The following PLCE1 variants were observed in gnomAD, a reference collection of about 807,000 sequenced individuals.
The protein encoded by PLCE1 is phospholipase C epsilon 1, also known as 1-phosphatidylinositol 4,5-bisphosphate phosphodiesterase epsilon-1.
PLCE1 carries 119 observed loss-of-function variants against 242.8 expected under a neutral mutation model. That is an observed-to-expected ratio of 0.49 (90% CI 0.42 to 0.57). PLCE1 has a LOEUF of 0.57. Ranked by LOEUF, PLCE1 falls within the 20% of genes least tolerant of loss-of-function variation. The probability of loss-of-function intolerance (pLI) is 0.00; values close to 1 mark genes in which losing one functional copy is unlikely to be tolerated. For synonymous variants in PLCE1, 945 were observed against 1,017.4 expected, an observed-to-expected ratio of 0.93 and a Z score of 1.35; for missense variants, 2,441 against 2,788.8, an observed-to-expected ratio of 0.88 and a Z score of 2.81.
chr10:94,305,694 A>C (rs2053177612), intron 25 of PLCE1, among the ~76,000 whole-genome samples: 1 of 152,250 alleles, frequency 6.6e-6, no homozygotes, highest in African/African-American at 2.4e-5. Context: ...AAAGCTGTGA[A>C]TTAGTTCCTA....
At chr10:94,110,053 T>TTTTTC (rs1554856337) in intron 2 of PLCE1, among the ~76,000 whole-genome samples, 4 of 90,050 alleles carry the variant, frequency 4.4e-5, no homozygotes, top group Non-Finnish European at 9.2e-5. Context: ...CTTTTTTTCT[T>TTTTTC]TTTTCTTTTT....
At chr10:94,268,509 G>A (rs956017430) in intron 16 of PLCE1, among the ~76,000 whole-genome samples, 6 of 152,160 alleles carry the variant, frequency 3.9e-5, no homozygotes, top group Admixed American at 3.9e-4. Flanking sequence ...TAAATGTTTA[G>A]CCAGTTCATT....
intron 29 of PLCE1, among the ~76,000 whole-genome samples, chr10:94,320,124 C>G (rs112102320): frequency 3.3e-5 from 5 of 152,038 alleles, no homozygotes; most frequent in African/African-American, 4.8e-5. Context: ...TGTGAATTAC[C>G]TCTCAATCTT....
intron 2 of PLCE1, among the ~76,000 whole-genome samples, chr10:94,103,430 T>G (rs936441817): frequency 1.3e-5 from 2 of 152,136 alleles, no homozygotes; most frequent in Non-Finnish European, 2.9e-5. Flanking sequence ...AAAAACAGAT[T>G]ATCCCAGCCA....
chr10:94,220,164 G>A (rs2049674152), intron 4 of PLCE1, among the ~76,000 whole-genome samples: 1 of 150,062 alleles, frequency 6.7e-6, no homozygotes, highest in Non-Finnish European at 1.5e-5. Flanking sequence ...ACTTGGTCTA[G>A]GACAACATTT....
At chr10:94,308,354 G>T (rs1328662446) in intron 26 of PLCE1, among the ~76,000 whole-genome samples, 1 of 152,174 alleles carries the variant, frequency 6.6e-6, no homozygotes, top group East Asian at 1.9e-4. Context: ...CTGAGTTTAA[G>T]GTTTTCTGTT....
At position 94,316,618 on chromosome 10, in the gene PLCE1, A is replaced by G; in HGVS notation, c.6204A>G (p.Ile2068Met). 6.2e-7 allele frequency: 1 copy of G among 1,608,224 alleles called. No homozygotes were observed. The highest frequency in any genetic ancestry group is 8.5e-7 in the Non-Finnish European group (1 of 1,174,770). The change falls in exon 29 of 33, where the codon ATA becomes ATG. Residue 2068 changes from isoleucine to methionine, a missense_variant. Coordinates refer to ENST00000371380, the MANE Select transcript of PLCE1 (RefSeq NM_016341.4). ...DYFLMEEKYFISKEKNECRKQ... is the reference protein window; with the variant it reads ...DYFLMEEKYFMSKEKNECRKQ... ...TTTTGATGGAAGAAAAATATTTTAT[A>G]TCTAAAGAAAAGAATGAATGTAGGA...
At chr10:94,003,186 G>T (rs2060964568) in intron 1 of PLCE1, among the ~76,000 whole-genome samples, 1 of 152,176 alleles carries the variant, frequency 6.6e-6, no homozygotes, top group African/African-American at 2.4e-5. Context: ...ACTGAGTGAA[G>T]ATAATAGACT....
intron 2 of PLCE1, among the ~76,000 whole-genome samples, chr10:94,107,316 G>A (rs1026380691): frequency 2.6e-5 from 4 of 152,086 alleles, no homozygotes; most frequent in African/African-American, 9.7e-5. Flanking sequence ...GCAAGACGTT[G>A]CTGAACTCCT....
At position 94,246,376 on chromosome 10, in the gene PLCE1, A is replaced by G. The variant is rs1355716225; in HGVS notation, c.2851A>G (p.Ile951Val). The G allele has an allele frequency of 1.2e-6, 2 of 1,614,066 alleles. No homozygotes were observed. The highest frequency in any genetic ancestry group is 2.7e-5 in the African/African-American group (2 of 74,936). Reference protein sequence around the residue: ...VKAVYMGHPGIDIHTVCVQNK... With the variant: ...VKAVYMGHPGVDIHTVCVQNK... ...GGCTGTATACATGGGCCACCCTGGC[A>G]TTGATATACACACTGTGTGTGTTCA... The change falls in exon 8 of 33, where the codon ATT (isoleucine) becomes GTT (valine). Residue 951 changes from isoleucine to valine, a missense_variant. Transcript: ENST00000371380.
intron 2 of PLCE1, among the ~76,000 whole-genome samples, chr10:94,110,283 C>T (rs928007480): frequency 2.6e-5 from 4 of 151,872 alleles, no homozygotes; most frequent in African/African-American, 4.8e-5. Flanking sequence ...AGGATGGTCT[C>T]GATCTCCTGA....
chr10:94,251,680 C>T (rs947638743), intron 8 of PLCE1, among the ~76,000 whole-genome samples: 1 of 152,120 alleles, frequency 6.6e-6, no homozygotes, highest in Non-Finnish European at 1.5e-5. Context: ...TGAACAATTG[C>T]CTGCCCCTTG....
At chr10:94,279,273 G>C (rs917214594) in intron 19 of PLCE1, 1 of 175,598 alleles carries the variant, frequency 5.7e-6, no homozygotes, top group African/African-American at 2.4e-5. Context: ...TTATGGTTCA[G>C]AAAGCCGTTT....
At chr10:94,006,534 G>A (rs2061040992) in intron 1 of PLCE1, among the ~76,000 whole-genome samples, 1 of 152,156 alleles carries the variant, frequency 6.6e-6, no homozygotes, top group African/African-American at 2.4e-5. Flanking sequence ...TCTAAAATTT[G>A]GGGTAACAAT....
At chr10:94,276,381 T>C (rs1440481879) in intron 19 of PLCE1, among the ~76,000 whole-genome samples, 1 of 152,200 alleles carries the variant, frequency 6.6e-6, no homozygotes, top group Non-Finnish European at 1.5e-5. Context: ...GAAGCCCTTT[T>C]CAAAGGTGAT....
At chr10:94,047,293 G>T (rs1427757032) in intron 2 of PLCE1, among the ~76,000 whole-genome samples, 2 of 152,184 alleles carry the variant, frequency 1.3e-5, no homozygotes, top group African/African-American at 2.4e-5. Context: ...GGCTTCATGG[G>T]AGAAGTGGGA....
intron 4 of PLCE1, among the ~76,000 whole-genome samples, chr10:94,195,988 TCA>T (rs2048808969): frequency 6.6e-6 from 1 of 152,188 alleles, no homozygotes; most frequent in African/African-American, 2.4e-5. Flanking sequence ...GTTTGAACTC[TCA>T]GAGTTTGAAT....
intron 7 of PLCE1, among the ~76,000 whole-genome samples, chr10:94,239,661 T>C (rs2050437060): frequency 6.6e-6 from 1 of 152,262 alleles, no homozygotes; most frequent in Non-Finnish European, 1.5e-5. Flanking sequence ...TCTCCCTTAC[T>C]GCAAAGAGGT....
At chr10:94,133,751 A>G (rs1259270707) in intron 3 of PLCE1, among the ~76,000 whole-genome samples, 1 of 152,228 alleles carries the variant, frequency 6.6e-6, no homozygotes, top group Non-Finnish European at 1.5e-5. Flanking sequence ...AGGTGTGGGA[A>G]CACTAATGGC....
Sources: gnomAD v4.1 joint callset for allele counts (sites outside exome capture counted in the v4.1 genomes callset) on GRCh38, gnomAD v4.1.1 for gene constraint, MANE v1.5 for transcripts, NCBI Gene and HGNC (gene_info 2026-07-23, HGNC 2026-07-21) for gene names.